Variants in CDC42BPG observed in about 807,000 individuals in gnomAD.
The protein encoded by CDC42BPG is serine/threonine-protein kinase MRCK gamma.
A neutral mutation model predicts 192.2 loss-of-function variants in CDC42BPG; 157 were observed. That is an observed-to-expected ratio of 0.82 (90% confidence interval 0.72 to 0.93). CDC42BPG has a LOEUF of 0.93. Ranked by LOEUF, CDC42BPG falls within the 40% of genes least tolerant of loss-of-function variation. The probability of loss-of-function intolerance (pLI) is 0.00; values close to 1 mark genes in which losing one functional copy is unlikely to be tolerated. For synonymous variants in CDC42BPG, 981 were observed against 918.5 expected (o/e 1.07, Z -1.23); for missense variants, 1,992 against 2,122.1 (o/e 0.94, Z 1.20).
In CDC42BPG at chr11:64,827,393, C is replaced by G; in HGVS notation, c.4156G>C (p.Asp1386His). 1 of 1,613,254 alleles carries G rather than the reference C, an allele frequency of 6.2e-7. No homozygotes were observed. Residue 1386 changes from aspartate (D) to histidine (H), a missense_variant, in exon 33 of 37, where the codon GAC becomes CAC. Physicochemically the swap from Asp to His is moderately conservative, Grantham distance 81 (BLOSUM62 -1). This residue lies in a region of CDC42BPG where 336 missense variants were observed against 277.9 expected (regional missense o/e 1.21). Coordinates refer to ENST00000342711, the MANE Select transcript of CDC42BPG (RefSeq NM_017525.3). ...TYLRNQLAEK[D>H]EFDIPDLTDN... The stretch of plus-strand genomic sequence containing the variant: ...GTGAGGTCCGGGATGTCGAACTCGT[C>G]CTTCTCTGTGGGAGAAGTGGAGAGC...
At chr11:64,834,621 G>A in intron 18 of CDC42BPG, 44 bp from the exon 19 acceptor site, 2 of 1,495,790 alleles carry the variant, frequency 1.3e-6, no homozygotes, top group South Asian at 2.7e-5. Context: ...TCTAGGCCTG[G>A]CTGCCTCAGG....
chr11:64,838,301 A>C lies in CDC42BPG; in HGVS notation c.1126-139T>G, dbSNP rs188721353. The C allele has an allele frequency of 2.5e-4, 165 of 649,464 alleles. 1 individual carries two copies. The African/African-American group carries it at 2.8e-3, about 11-fold the overall frequency. 40.2% of individuals were successfully genotyped at this position (649,464 alleles called of 1,614,324 possible). A position where few individuals can be genotyped will look rare whatever the true frequency, so the allele number is the denominator to read the frequency against. ...GGGGGTAACACAGCCCAACCCAAAC[A>C]AACCCCCAGCTCCCACAAGTCTCCT... On this transcript the variant is annotated intron_variant, in intron 8 of 36. Transcript: ENST00000342711.
Position 64,840,100 on chromosome 11 carries a change from C to A in CDC42BPG, c.581+20G>T. 1 of 1,604,516 alleles carries A rather than the reference C, an allele frequency of 6.2e-7. No individual in the cohort carries two copies. The highest frequency in any genetic ancestry group is 1.1e-5 in the South Asian group (1 of 90,204). On this transcript the variant is annotated intron_variant, in intron 5 of 36. Transcript: ENST00000342711. ...GGCAGGGCAGCGGGGTTGGGCAGGG[C>A]AGCGGGGTTGGGGCCCCACCTGTGG...
rs200975917 is a variant in CDC42BPG, at chr11:64,839,405, TG to T, written c.675+72del. 21 of 1,532,648 alleles carry T rather than the reference TG, an allele frequency of 1.4e-5. No individual in the cohort carries two copies. In the African/African-American group the frequency reaches 2.2e-4, roughly 16 times the overall value. The allele number at this position is 1,532,648 out of a possible 1,614,324, so 94.9% of individuals were successfully genotyped here. ...GGGCCTGATGCCTCTGCACTAGGCCTGGGGCCTCCCATTTTCCTGAGAGCTT... is the reference window on the plus strand; with the variant it reads ...GGGCCTGATGCCTCTGCACTAGGCCTGGGCCTCCCATTTTCCTGAGAGCTT... On this transcript the variant is annotated intron_variant, in intron 6 of 36. Coordinates refer to ENST00000342711, the MANE Select transcript of CDC42BPG (RefSeq NM_017525.3).
At position 64,844,444 on chromosome 11, in the gene CDC42BPG, C is replaced by T; in HGVS notation, c.126G>A (p.Arg42=). 5 of 1,473,102 alleles carry T rather than the reference C, an allele frequency of 3.4e-6. No individual in the cohort carries two copies. Among genetic ancestry groups the T allele is most frequent in the Non-Finnish European group, 3.6e-6 (4 of 1,117,538 alleles). The allele number at this position is 1,473,102 out of a possible 1,614,324, so 91.3% of individuals were successfully genotyped here. A position where few individuals can be genotyped will look rare whatever the true frequency, so the allele number is the denominator to read the frequency against. Reference sequence around the variant, plus strand: ...GGAACTGCGCCACGCTGCGCTCCCGCCGTAGGGGGCCGCTGCTGAGCTCGT... The same window carrying T: ...GGAACTGCGCCACGCTGCGCTCCCGTCGTAGGGGGCCGCTGCTGAGCTCGT... ...LHHELSSGPL[R]RERSVAQFLS... The change falls in exon 1 of 37, where the codon CGG becomes CGA. Residue 42 remains arginine (R), a synonymous_variant. Coordinates refer to ENST00000342711, the MANE Select transcript of CDC42BPG (RefSeq NM_017525.3).
intron 23 of CDC42BPG, 51 bp downstream of exon 23, chr11:64,833,549 C>T: frequency 6.5e-7 from 1 of 1,530,404 alleles, no homozygotes; most frequent in Non-Finnish European, 8.9e-7. Flanking sequence ...CCCATTCAGC[C>T]TGGCAGAACT....
At chr11:64,836,375 C>CACCCACCTT (rs2136333056) in intron 12 of CDC42BPG, 52 bp downstream of exon 12, 10 of 1,603,090 alleles carry the variant, frequency 6.2e-6, no homozygotes, top group Non-Finnish European at 6.8e-6. Flanking sequence ...CAGGGCCACT[C>CACCCACCTT]ACCCACCTCA....
At chr11:64,836,020 AC>A (rs1177370293) in intron 13 of CDC42BPG, 96 bp downstream of exon 13, 20 of 1,411,424 alleles carry the variant, frequency 1.4e-5, no homozygotes, top group Non-Finnish European at 9.6e-7. Context: ...GCCAGCTACA[AC>A]CGGGAGGCAG....
At chr11:64,832,302 C>T (rs959913665) in intron 27 of CDC42BPG, 126 bp downstream of exon 27, 15 of 983,836 alleles carry the variant, frequency 1.5e-5, no homozygotes, top group Admixed American at 8.0e-5. Flanking sequence ...CAGGTGCTCA[C>T]GTGGAAAGCG....
rs758960238 is a variant in CDC42BPG, at chr11:64,839,079, T to C, written c.830A>G (p.Tyr277Cys). The change falls in exon 7 of 37, where the codon TAT (tyrosine) becomes TGT (cysteine). Residue 277 changes from tyrosine (Y) to cysteine (C), a missense_variant. Physicochemically the swap from Tyr to Cys is radical, Grantham distance 194. Around this residue, in one of 2 missense-constraint regions of CDC42BPG, gnomAD observed 1,656 missense variants for 1,844.3 expected, o/e 0.90. Coordinates refer to ENST00000342711, the MANE Select transcript of CDC42BPG (RefSeq NM_017525.3). ...GTAGGTTTCCACCAAGGACTCAGCA[T>C]AGAAGGGCGTCTCCCCAAAGAGCAG... ...YELLFGETPF[Y>C]AESLVETYGK... 3 of 1,613,622 alleles carry C rather than the reference T, an allele frequency of 1.9e-6. No homozygotes were observed. The highest frequency in any genetic ancestry group is 1.1e-5 in the South Asian group (1 of 91,088).
At position 64,836,909 on chromosome 11, in the gene CDC42BPG, C is replaced by A; in HGVS notation, c.1303+13G>T. 6.2e-7 allele frequency: 1 copy of A among 1,612,868 alleles called. No homozygotes were observed. Among genetic ancestry groups the A allele is most frequent in the Non-Finnish European group, 8.5e-7 (1 of 1,179,372 alleles). On this transcript the variant is annotated intron_variant, in intron 10 of 36. Transcript: ENST00000342711. ...GCCAGCACACCCAGGCCCGGCCCAGCCGCTCCCAGTACCTTGGTGCTTCCT... is the reference window on the plus strand; with the variant it reads ...GCCAGCACACCCAGGCCCGGCCCAGACGCTCCCAGTACCTTGGTGCTTCCT...
At chr11:64,838,534 T>C in intron 8 of CDC42BPG, 120 bp downstream of exon 8, 1 of 1,341,794 alleles carries the variant, frequency 7.5e-7, no homozygotes, top group South Asian at 1.3e-5. Flanking sequence ...CCATAAATCA[T>C]AAGCCCCGGT....
chr11:64,835,230 C>A, intron 16 of CDC42BPG, 77 bp from the exon 17 acceptor site: 15 of 1,602,558 alleles, frequency 9.4e-6, no homozygotes, highest in Non-Finnish European at 1.3e-5. Flanking sequence ...GGTACCCCAG[C>A]ACCCCGAGCC....
Position 64,833,218 on chromosome 11 carries a change from TG to T in CDC42BPG, c.2731+12del. On this transcript the variant is annotated intron_variant, in intron 24 of 36. Coordinates refer to ENST00000342711, the MANE Select transcript of CDC42BPG (RefSeq NM_017525.3). The stretch of plus-strand genomic sequence containing the variant: ...GGGACCGTGGCTGGAGCATAGTGGG[TG>T]GGGACTCTCACCATCACAACCCAGG... 2 of 1,533,758 alleles carry T rather than the reference TG, an allele frequency of 1.3e-6. No individual in the cohort carries two copies. Among genetic ancestry groups the T allele is most frequent in the Non-Finnish European group, 8.8e-7 (1 of 1,132,598 alleles).
At position 64,832,806 on chromosome 11, in the gene CDC42BPG, C is replaced by A; in HGVS notation, c.2865+20G>T. On this transcript the variant is annotated intron_variant, in intron 25 of 36. Transcript: ENST00000342711. Reference sequence around the variant, plus strand: ...CTCAGCCCCCCATGCCCATCTTCCCCTCCCTCGGCCCCCACTCACCGACAG... The same window carrying A: ...CTCAGCCCCCCATGCCCATCTTCCCATCCCTCGGCCCCCACTCACCGACAG... The A allele has an allele frequency of 6.3e-7, 1 of 1,588,250 alleles. No individual in the cohort carries two copies. The highest frequency in any genetic ancestry group is 8.6e-7 in the Non-Finnish European group (1 of 1,167,632).
chr11:64,840,686 T>G (rs1273951890), intron 3 of CDC42BPG, 38 bp from the exon 4 acceptor site: 6 of 1,592,574 alleles, frequency 3.8e-6, no homozygotes, highest in African/African-American at 1.4e-5. Flanking sequence ...TGGGGTGGGA[T>G]CAGAGCCCAG....
In CDC42BPG at chr11:64,844,512, G is replaced by A. The variant is rs1415695041; in HGVS notation, c.58C>T (p.Pro20Ser). The A allele has an allele frequency of 3.0e-6, 4 of 1,336,038 alleles. No homozygotes were observed. Among genetic ancestry groups the A allele is most frequent in the Admixed American group, 3.7e-5 (1 of 26,766 alleles). The allele number at this position is 1,336,038 out of a possible 1,614,324, so 82.8% of individuals were successfully genotyped here. ...QLARGEAGGC[P>S]GLDGLLDLLL... The stretch of plus-strand genomic sequence containing the variant: ...AGATCTAGGAGGCCGTCGAGCCCCG[G>A]GCAGCCGCCGGCCTCGCCCCGCGCC... Residue 20 changes from proline (P) to serine (S), a missense_variant, in exon 1 of 37, where the codon CCG becomes TCG. Pro to Ser is a moderately conservative substitution (Grantham distance 74, BLOSUM62 -1). Coordinates refer to ENST00000342711, the MANE Select transcript of CDC42BPG (RefSeq NM_017525.3).
Position 64,827,783 on chromosome 11 carries a change from C to A in CDC42BPG, c.3968G>T (p.Gly1323Val), listed in dbSNP as rs763918379. 1.0e-5 allele frequency: 16 copies of A among 1,602,362 alleles called. No individual in the cohort carries two copies. The highest frequency in any genetic ancestry group is 1.3e-5 in the Non-Finnish European group (15 of 1,173,884). ...CACTGTCAGGTAGGGGGCCGCATAC[C>A]CTGCGGGCACGCCAGGCACCTCTGA... is the stretch of plus-strand genomic sequence containing the variant. Reference protein sequence around the residue: ...LLWPAAPMGWGYAAPYLTVFS... With the variant: ...LLWPAAPMGWVYAAPYLTVFS... The change falls in exon 31 of 37, where the codon GGG (glycine) becomes GTG (valine). Residue 1323 changes from glycine (G) to valine (V), a missense_variant and splice_region_variant. Gly to Val is a moderately radical substitution (Grantham distance 109, BLOSUM62 -3). This residue lies in a region of CDC42BPG where 1,656 missense variants were observed against 1,844.3 expected (regional missense o/e 0.90). Transcript: ENST00000342711.
chr11:64,830,196 T>C lies in CDC42BPG; in HGVS notation c.3365A>G (p.Asn1122Ser). The C allele has an allele frequency of 6.2e-7, 1 of 1,613,626 alleles. No homozygotes were observed. Among genetic ancestry groups the C allele is most frequent in the South Asian group, 1.1e-5 (1 of 91,018 alleles). The change falls in exon 29 of 37, where the codon AAC becomes AGC. Residue 1122 changes from asparagine to serine, a missense_variant and splice_region_variant. By Grantham distance (46) the Asn-to-Ser change is conservative. Coordinates refer to ENST00000342711, the MANE Select transcript of CDC42BPG (RefSeq NM_017525.3). ...EGLFVIHLRS[N>S]DIFQVGECRR... ...CCTAGCCCAGCTTTGATAGGTACCG[T>C]TGCTGCGCAGATGGATGACAAAGAG...
Sources: allele counts gnomAD v4.1 joint callset, GRCh38; gene constraint gnomAD v4.1.1; regional missense constraint gnomAD v4.1.1; transcripts MANE v1.5; gene names NCBI Gene and HGNC (gene_info 2026-07-23, HGNC 2026-07-21).